Variants in CNTN5 observed in about 807,000 individuals in gnomAD.
The protein encoded by CNTN5 is contactin 5, also known as contactin-5.
A neutral mutation model predicts 129.1 loss-of-function variants in CNTN5; 77 were observed. The ratio of observed to expected loss-of-function variants is 0.60; its 90% CI spans 0.50 to 0.72. The LOEUF (loss-of-function observed/expected upper bound fraction) is 0.72. Among genes scored for constraint, CNTN5 ranks in the 30% least tolerant of loss-of-function variants. The pLI, the probability that CNTN5 is intolerant of heterozygous loss-of-function variation, is 0.00. For synonymous variants in CNTN5, 509 were observed against 465.6 expected (o/e 1.09, Z -1.20); for missense variants, 1,478 against 1,328.8 (o/e 1.11, Z -1.75).
chr11:99,304,679 A>G (rs1864791375), intron 1 of CNTN5, among the ~76,000 whole-genome samples: 1 of 152,318 alleles, frequency 6.6e-6, no homozygotes, highest in South Asian at 2.1e-4. Context: ...GCTTTGAAAT[A>G]CGTTTCAGTG....
At chr11:99,552,378 A>G (rs776066267) in intron 2 of CNTN5, among the ~76,000 whole-genome samples, 87 of 152,102 alleles carry the variant, frequency 5.7e-4, no homozygotes, top group Admixed American at 2.0e-4. Context: ...CCTTGCTTCC[A>G]TGGATATGAC....
At chr11:99,445,943 G>T (rs181580457) in intron 2 of CNTN5, among the ~76,000 whole-genome samples, 9 of 151,910 alleles carry the variant, frequency 5.9e-5, no homozygotes, top group African/African-American at 1.2e-4. Flanking sequence ...AATTAGCCAG[G>T]CGTGGTGGCA....
At chr11:99,163,567 C>A (rs886096078) in intron 1 of CNTN5, among the ~76,000 whole-genome samples, 21 of 151,990 alleles carry the variant, frequency 1.4e-4, no homozygotes, top group Non-Finnish European at 2.9e-4. Flanking sequence ...TAATGTCATA[C>A]TTTGTTTATA....
intron 2 of CNTN5, among the ~76,000 whole-genome samples, chr11:99,428,401 A>G (rs1468855649): frequency 6.6e-6 from 1 of 151,750 alleles, no homozygotes. Context: ...CTCTACAAAA[A>G]CATACAAAAA....
At chr11:100,041,647 C>T (rs1242327144) in intron 9 of CNTN5, among the ~76,000 whole-genome samples, 2 of 152,124 alleles carry the variant, frequency 1.3e-5, no homozygotes, top group Non-Finnish European at 2.9e-5. Flanking sequence ...GGAAGGCAGC[C>T]AATTGCCTAT....
chr11:99,997,463 T>C (rs1478102134), intron 8 of CNTN5, among the ~76,000 whole-genome samples: 1 of 152,122 alleles, frequency 6.6e-6, no homozygotes, highest in Non-Finnish European at 1.5e-5. Context: ...AGGAAGAAGT[T>C]GAATCTCTGA....
At chr11:99,196,671 A>AT (rs1365120825) in intron 1 of CNTN5, among the ~76,000 whole-genome samples, 13 of 151,904 alleles carry the variant, frequency 8.6e-5, no homozygotes, top group Admixed American at 5.9e-4. Context: ...TGTGCCTCAC[A>AT]TATCTATGTT....
chr11:99,584,780 GAAAC>G (rs1750072492), intron 3 of CNTN5, among the ~76,000 whole-genome samples: 1 of 152,206 alleles, frequency 6.6e-6, no homozygotes, highest in African/African-American at 2.4e-5. Context: ...TTTGAACTGT[GAAAC>G]AAACTAGCAG....
chr11:99,208,332 A>G (rs1859587202), intron 1 of CNTN5, among the ~76,000 whole-genome samples: 2 of 152,270 alleles, frequency 1.3e-5, no homozygotes, highest in Admixed American at 6.5e-5. Flanking sequence ...TATTTGAAAT[A>G]TACTTTTATC....
chr11:100,037,263 A>C (rs1341243136), intron 9 of CNTN5, among the ~76,000 whole-genome samples: 1 of 149,186 alleles, frequency 6.7e-6, no homozygotes, highest in African/African-American at 2.5e-5. Context: ...TATATGCTGG[A>C]TTACATTTAT....
chr11:99,816,383 C>G (rs185050015), intron 3 of CNTN5, among the ~76,000 whole-genome samples: 6 of 152,236 alleles, frequency 3.9e-5, no homozygotes, highest in African/African-American at 1.2e-4. Context: ...GTCTTCCTTA[C>G]GTCTGCAGAA....
At chr11:99,324,997 A>G (rs1865723875) in intron 1 of CNTN5, among the ~76,000 whole-genome samples, 1 of 152,172 alleles carries the variant, frequency 6.6e-6, no homozygotes, top group East Asian at 1.9e-4. Context: ...TAGGAATAGC[A>G]TAGAATTTTC....
At chr11:99,132,142 C>G (rs112345862) in intron 1 of CNTN5, among the ~76,000 whole-genome samples, 5 of 151,704 alleles carry the variant, frequency 3.3e-5, no homozygotes, top group Admixed American at 3.3e-4. Flanking sequence ...GAACTAAAGA[C>G]GAAAACCATA....
At chr11:100,295,499 TG>T (rs1951082832) in intron 18 of CNTN5, among the ~76,000 whole-genome samples, 1 of 151,470 alleles carries the variant, frequency 6.6e-6, no homozygotes, top group Non-Finnish European at 1.5e-5. Flanking sequence ...ATTGGTAAAT[TG>T]TTTTTTTAAA....
chr11:99,792,164 C>G (rs1945768026), intron 3 of CNTN5, among the ~76,000 whole-genome samples: 1 of 152,102 alleles, frequency 6.6e-6, no homozygotes, highest in Admixed American at 6.6e-5. Context: ...AATGGTCACT[C>G]TTTCCTCGTT....
At chr11:99,162,056 T>C (rs1175416302) in intron 1 of CNTN5, among the ~76,000 whole-genome samples, 2 of 152,168 alleles carry the variant, frequency 1.3e-5, no homozygotes, top group Non-Finnish European at 2.9e-5. Context: ...GTGTATTGCT[T>C]CTACAACCCT....
At chr11:100,340,873 A>G (rs1952143352) in intron 22 of CNTN5, among the ~76,000 whole-genome samples, 1 of 152,182 alleles carries the variant, frequency 6.6e-6, no homozygotes, top group African/African-American at 2.4e-5. Context: ...ATTTTGACAC[A>G]GAAGGGAGAT....
chr11:100,046,526 G>T (rs1293237093), intron 9 of CNTN5, among the ~76,000 whole-genome samples: 4 of 151,830 alleles, frequency 2.6e-5, no homozygotes, highest in Non-Finnish European at 5.9e-5. Flanking sequence ...GTAGTTATTT[G>T]TGATTTGCTT....
Position 99,347,464 on chromosome 11 carries a change from G to T in CNTN5, c.-71+21980G>T, listed in dbSNP as rs78286594. 0.025 allele frequency among the ~76,000 whole-genome samples: 3,757 copies of T among 152,100 alleles called. 337 individuals carry two copies. The East Asian group carries it at 0.25, about 10-fold the overall frequency. On this transcript the variant is annotated intron_variant, in intron 2 of 24. Coordinates refer to ENST00000524871, the MANE Select transcript of CNTN5 (RefSeq NM_014361.4). ...CATAAACTATATAGAGAAAAACATA[G>T]GCTCAAATAACATAATAGCTATATT...
Sources: allele counts gnomAD v4.1 joint callset (sites outside exome capture counted in the v4.1 genomes callset), GRCh38; gene constraint gnomAD v4.1.1; transcripts MANE v1.5; gene names NCBI Gene and HGNC (gene_info 2026-07-23, HGNC 2026-07-21).